The following LYZL2 variants were observed in gnomAD, a reference collection of about 807,000 sequenced individuals.
LYZL2 encodes the protein lysozyme like 2, also known as lysozyme-like protein 2.
In LYZL2, 13 loss-of-function variants were observed where a neutral mutation model predicts 17.1. The observed-to-expected ratio is 0.76, with a 90% confidence interval of 0.49 to 1.21. The LOEUF (loss-of-function observed/expected upper bound fraction) is 1.21. LYZL2 is among the 50% of genes most tolerant of loss of function. The pLI is 0.00. For missense variants in LYZL2, 166 were observed against 189.2 expected, an observed-to-expected ratio of 0.88 and a Z score of 0.72; for synonymous variants, 63 against 74.4, an observed-to-expected ratio of 0.85 and a Z score of 0.79.
rs750204569 is a variant in LYZL2, at chr10:30,626,807, C to G, written c.109G>C (p.Asp37His). The change falls in exon 2 of 5, where the codon GAC (aspartate) becomes CAC (histidine). Residue 37 changes from aspartate (D) to histidine (H), a missense_variant. This residue lies in a region of LYZL2 where 32 missense variants were observed against 59.8 expected (regional missense o/e 0.53). Transcript: ENST00000647634. ...CCAAGGCTGAAGCCCCAGTAATTGT[C>G]CAGGCCAGCCCTCGAGAATATTTTT... is the stretch of plus-strand genomic sequence containing the variant. ...LAKIFSRAGL[D>H]NYWGFSLGNW... is the part of the protein sequence containing the mutation. 4 of 1,614,236 alleles carry G rather than the reference C, an allele frequency of 2.5e-6. No individual in the cohort carries two copies. The East Asian group carries it at 6.7e-5, about 27-fold the overall frequency.
At chr10:30,611,356 G>T (rs1199041019), downstream of LYZL2, among the ~76,000 whole-genome samples, 2 of 151,656 alleles carry the variant, frequency 1.3e-5, no homozygotes, top group African/African-American at 4.8e-5. Context: ...AACCCCATCT[G>T]GGTGTGGTGG....
At position 30,626,231 on chromosome 10, in the gene LYZL2, T is replaced by C. The variant is rs1838702640; in HGVS notation, c.172A>G (p.Asn58Asp). Residue 58 changes from asparagine (N) to aspartate (D), a missense_variant, in exon 3 of 5, where the codon AAC (asparagine) becomes GAC (aspartate). Transcript: ENST00000647634. ...ICMAYYESGYNTTAQTVLDDG... is the reference protein window; with the variant it reads ...ICMAYYESGYDTTAQTVLDDG... ...TCCAGGACCGTCTGGGCTGTGGTGT[T>C]GTAGCCGCTCTCATAATACGCCATG... The C allele has an allele frequency of 6.2e-7, 1 of 1,614,200 alleles. No homozygotes were observed. Among genetic ancestry groups the C allele is most frequent in the Non-Finnish European group, 8.5e-7 (1 of 1,180,018 alleles).
At chr10:30,626,729 A>G (rs768749617) in intron 2 of LYZL2, 48 bp downstream of exon 2, 11 of 1,610,430 alleles carry the variant, frequency 6.8e-6, no homozygotes, top group Non-Finnish European at 9.3e-6. Flanking sequence ...TCAACATCTC[A>G]GGGGAAAGGT....
At chr10:30,626,395 G>A (rs189745204) in intron 2 of LYZL2, 132 bp from the exon 3 acceptor site, 67 of 1,428,302 alleles carry the variant, frequency 4.7e-5, no homozygotes, top group Middle Eastern at 3.7e-4. Flanking sequence ...AGGGCAGGGC[G>A]GGCATGTGCC....
chr10:30,626,402 T>A (rs867512900), intron 2 of LYZL2, 139 bp from the exon 3 acceptor site: 14 of 1,319,760 alleles, frequency 1.1e-5, no homozygotes, highest in Admixed American at 2.9e-5. Context: ...GGCGGGCATG[T>A]GCCCAGGGGG....
At chr10:30,611,368 A>T (rs1228664185), downstream of LYZL2, among the ~76,000 whole-genome samples, 1 of 151,612 alleles carries the variant, frequency 6.6e-6, no homozygotes, top group Admixed American at 6.6e-5. Context: ...GTGTGGTGGC[A>T]CATGCCTGCA....
intron 3 of LYZL2, among the ~76,000 whole-genome samples, chr10:30,620,128 C>G (rs949831714): frequency 1.3e-5 from 2 of 152,130 alleles, no homozygotes; most frequent in Admixed American, 6.5e-5. Context: ...TAAACTGCAG[C>G]GTGAGGCCAC....
At chr10:30,629,473 C>A in intron 1 of LYZL2, 120 bp downstream of exon 1, 1 of 933,814 alleles carries the variant, frequency 1.1e-6, no homozygotes, top group Non-Finnish European at 1.6e-6. Context: ...TGATCTCAAA[C>A]AAGTCAAAAC....
At chr10:30,627,944 GGTCA>G (rs1273805397) in intron 1 of LYZL2, among the ~76,000 whole-genome samples, 1 of 152,204 alleles carries the variant, frequency 6.6e-6, no homozygotes, top group Admixed American at 6.5e-5. Context: ...CGGATCACGA[GGTCA>G]GGAGATCAAG....
rs201922181 is a variant in LYZL2, at chr10:30,611,934, C to T, written c.*21G>A. On this transcript the variant is annotated 3_prime_UTR_variant, in exon 5 of 5. Transcript: ENST00000647634. ...CAAACCCTAGGGCGTTGCTGCAAAG[C>T]ATCCTGGGTCCAGTTCCAGTTTAGG... 126 of 1,614,102 alleles carry T rather than the reference C, an allele frequency of 7.8e-5. No individual in the cohort carries two copies. The highest frequency in any genetic ancestry group is 9.5e-5 in the Non-Finnish European group (112 of 1,180,052).
intron 3 of LYZL2, among the ~76,000 whole-genome samples, chr10:30,623,310 C>T (rs2814643): frequency 0.87 from 131,866 of 152,184 alleles, 57,787 homozygotes; most frequent in African/African-American, 0.95. Flanking sequence ...CATTTTTTTT[C>T]CAAATGCACA....
At chr10:30,620,949 A>C (rs925890929) in intron 3 of LYZL2, among the ~76,000 whole-genome samples, 5 of 152,192 alleles carry the variant, frequency 3.3e-5, no homozygotes, top group African/African-American at 1.2e-4. Context: ...ATACTAAAAA[A>C]CGAGGAACCT....
At chr10:30,608,098 A>G (rs1838395774), downstream of LYZL2, among the ~76,000 whole-genome samples, 1 of 152,228 alleles carries the variant, frequency 6.6e-6, no homozygotes, top group African/African-American at 2.4e-5. Flanking sequence ...GTGTACCACC[A>G]CACTTGGCTA....
intron 1 of LYZL2, among the ~76,000 whole-genome samples, chr10:30,627,337 T>C (rs558760478): frequency 8.2e-4 from 124 of 151,138 alleles, no homozygotes; most frequent in South Asian, 2.3e-3. Context: ...ACTGCGTGGG[T>C]CCATTTATCC....
downstream of LYZL2, among the ~76,000 whole-genome samples, chr10:30,608,971 C>G (rs1215430265): frequency 1.3e-5 from 2 of 152,086 alleles, no homozygotes; most frequent in Non-Finnish European, 2.9e-5. Flanking sequence ...TCCTGAGTAG[C>G]TGGAACTACA....
intron 2 of LYZL2, among the ~76,000 whole-genome samples, chr10:30,626,480 C>A (rs1673422927): frequency 6.6e-6 from 1 of 152,230 alleles, no homozygotes; most frequent in Non-Finnish European, 1.5e-5. Context: ...GGGGCTGAGC[C>A]TAATCTAGAC....
intron 3 of LYZL2, among the ~76,000 whole-genome samples, chr10:30,621,830 T>A (rs1838624879): frequency 6.6e-6 from 1 of 152,120 alleles, no homozygotes; most frequent in African/African-American, 2.4e-5. Context: ...TGAAGAGTAT[T>A]GGAAATAATA....
In LYZL2 at chr10:30,611,783, G is replaced by A. The variant is rs1838449048; in HGVS notation, c.*172C>T. 7 of 1,069,416 alleles carry A rather than the reference G, an allele frequency of 6.5e-6. No individual in the cohort carries two copies. In the Admixed American group the frequency reaches 1.4e-4, roughly 21 times the overall value. The allele number at this position is 1,069,416 out of a possible 1,614,324, so 66.2% of individuals were successfully genotyped here. On this transcript the variant is annotated 3_prime_UTR_variant, in exon 5 of 5. Coordinates refer to ENST00000647634, the MANE Select transcript of LYZL2 (RefSeq NM_183058.3). ...GAAAGAGAAAAGGGAACCGAGTCAG[G>A]GTGAAGACATTTAAATGGAAATATT...
chr10:30,606,784 G>A (rs1046322455), downstream of LYZL2, among the ~76,000 whole-genome samples: 2 of 152,082 alleles, frequency 1.3e-5, no homozygotes, highest in Non-Finnish European at 2.9e-5. Flanking sequence ...CAGGGACAGA[G>A]GACCTGGAGC....
Sources: allele counts gnomAD v4.1 joint callset (sites outside exome capture counted in the v4.1 genomes callset), GRCh38; gene constraint gnomAD v4.1.1; regional missense constraint gnomAD v4.1.1; transcripts MANE v1.5; gene names NCBI Gene and HGNC (gene_info 2026-07-23, HGNC 2026-07-21).